CNTNAP5: variants seen among roughly 807,000 people sequenced by gnomAD.
CNTNAP5 encodes the protein contactin-associated protein-like 5.
Under a neutral mutation model 150.2 loss-of-function variants are expected in CNTNAP5, and 72 were observed. The observed-to-expected ratio is 0.48, with a 90% CI of 0.40 to 0.58. The LOEUF (loss-of-function observed/expected upper bound fraction) is 0.58. Among genes scored for constraint, CNTNAP5 ranks in the 20% least tolerant of loss-of-function variants. CNTNAP5 has a pLI of 0.00. For missense variants in CNTNAP5, 1,636 were observed against 1,626.2 expected (o/e 1.01, Z -0.10); for synonymous variants, 672 against 619.8 (o/e 1.08, Z -1.25).
intron 7 of CNTNAP5, 77 bp downstream of exon 7, chr2:124,474,959 G>C (rs1295952598): frequency 7.9e-7 from 1 of 1,269,146 alleles, no homozygotes; most frequent in African/African-American, 1.5e-5. Flanking sequence ...GCCCATTCCT[G>C]AACCCATTCG....
chr2:124,116,156 C>T (rs1683423600), intron 1 of CNTNAP5, among the ~76,000 whole-genome samples: 1 of 152,132 alleles, frequency 6.6e-6, no homozygotes, highest in Non-Finnish European at 1.5e-5. Flanking sequence ...AGAGGAAAAA[C>T]ATAGCAGCAC....
intron 3 of CNTNAP5, among the ~76,000 whole-genome samples, chr2:124,372,463 C>T (rs944131647): frequency 3.9e-5 from 6 of 152,162 alleles, no homozygotes; most frequent in African/African-American, 1.4e-4. Flanking sequence ...TCTAGAGAAA[C>T]CTGACTAATA....
chr2:124,903,914 C>G (rs982456019), intron 22 of CNTNAP5, among the ~76,000 whole-genome samples: 3 of 151,826 alleles, frequency 2.0e-5, no homozygotes, highest in African/African-American at 7.3e-5. Context: ...ATTAGCTGGC[C>G]GTGGTGGTGG....
rs1325279601 is a variant in CNTNAP5, at chr2:124,860,486, TC to T, written c.3218-4818del. Among the ~76,000 whole-genome samples the T allele has an allele frequency of 1.1e-3, 116 of 107,170 alleles. 1 individual carries two copies. The highest frequency in any genetic ancestry group is 3.9e-3 in the East Asian group (15 of 3,840). 70.3% of individuals were successfully genotyped at this position (107,170 alleles called of 152,430 possible). A position where few individuals can be genotyped will look rare whatever the true frequency, so the allele number is the denominator to read the frequency against. On this transcript the variant is annotated intron_variant, in intron 19 of 23. Transcript: ENST00000682447. ...TTCCTTCCTTCCTTCCTTCCTTCCT[TC>T]CTTCCTTCCTTCCTTCTTTCCTTCC...
chr2:124,357,597 G>C (rs1690052225), intron 3 of CNTNAP5, among the ~76,000 whole-genome samples: 1 of 148,938 alleles, frequency 6.7e-6, no homozygotes, highest in Admixed American at 6.7e-5. Context: ...TCTCAGGTTT[G>C]TCAAAGATCA....
intron 11 of CNTNAP5, among the ~76,000 whole-genome samples, chr2:124,589,296 T>A (rs563321402): frequency 6.9e-4 from 105 of 152,224 alleles, no homozygotes; most frequent in Non-Finnish European, 1.3e-3. Context: ...CAATATATGC[T>A]CTCCTATGAC....
rs193229156 is a variant in CNTNAP5, at chr2:124,690,196, A to C, written c.2077+42238A>C. Among the ~76,000 whole-genome samples, 370 of 152,266 alleles carry C rather than the reference A, an allele frequency of 2.4e-3. 2 individuals are homozygous for C. The highest frequency in any genetic ancestry group is 8.3e-3 in the African/African-American group (346 of 41,588). ...ATTAAGTATCAGCACAAGGTCTATT[A>C]TAGAAATGTGAAACTATTCAGTTCT... On this transcript the variant is annotated intron_variant, in intron 13 of 23. Transcript: ENST00000682447.
chr2:124,580,494 T>C (rs1230459130), intron 11 of CNTNAP5, among the ~76,000 whole-genome samples: 1 of 152,262 alleles, frequency 6.6e-6, no homozygotes, highest in Non-Finnish European at 1.5e-5. Context: ...ACCACGTGGC[T>C]GCACTGGTGT....
chr2:124,474,907 T>G (rs1187343806), intron 7 of CNTNAP5, 25 bp downstream of exon 7: 2 of 1,580,822 alleles, frequency 1.3e-6, no homozygotes, highest in African/African-American at 2.8e-5. Context: ...CTGTTTTGTC[T>G]TGATGGTTTC....
At chr2:124,240,595 A>C (rs1040525205) in intron 2 of CNTNAP5, among the ~76,000 whole-genome samples, 1 of 152,260 alleles carries the variant, frequency 6.6e-6, no homozygotes, top group East Asian at 1.9e-4. Flanking sequence ...CACATTCCAC[A>C]ATAGATGCTG....
intron 3 of CNTNAP5, among the ~76,000 whole-genome samples, chr2:124,332,379 T>G (rs1689370569): frequency 6.6e-6 from 1 of 151,282 alleles, no homozygotes; most frequent in Non-Finnish European, 1.5e-5. Context: ...AAATTTTAAT[T>G]ATTAGCAATT....
chr2:124,579,277 G>A (rs1009743105), intron 11 of CNTNAP5, among the ~76,000 whole-genome samples: 1 of 152,146 alleles, frequency 6.6e-6, no homozygotes, highest in East Asian at 1.9e-4. Flanking sequence ...CTCTATAGTA[G>A]ATTCTATTGT....
intron 12 of CNTNAP5, among the ~76,000 whole-genome samples, chr2:124,611,929 T>A (rs1355176580): frequency 6.6e-6 from 1 of 152,196 alleles, no homozygotes; most frequent in Non-Finnish European, 1.5e-5. Context: ...ATTTTTTTTA[T>A]CTCCATCTAA....
chr2:124,510,245 C>CTA (rs1171312738), intron 8 of CNTNAP5, among the ~76,000 whole-genome samples: 3 of 69,198 alleles, frequency 4.3e-5, no homozygotes, highest in Admixed American at 1.4e-4. Context: ...ATCTATATAT[C>CTA]TATATCTATA....
chr2:124,853,972 C>T (rs1462634332), intron 19 of CNTNAP5, among the ~76,000 whole-genome samples: 1 of 152,158 alleles, frequency 6.6e-6, no homozygotes, highest in Non-Finnish European at 1.5e-5. Flanking sequence ...TCCCTGTTCC[C>T]ACAAAAGACA....
chr2:124,371,861 T>A (rs751377038), intron 3 of CNTNAP5, among the ~76,000 whole-genome samples: 4 of 152,022 alleles, frequency 2.6e-5, no homozygotes, highest in Non-Finnish European at 5.9e-5. Flanking sequence ...TAGAACTAAG[T>A]GTTCTAAATT....
At chr2:124,035,756 G>A (rs1244487231) in intron 1 of CNTNAP5, among the ~76,000 whole-genome samples, 1 of 152,042 alleles carries the variant, frequency 6.6e-6, no homozygotes, top group Admixed American at 6.6e-5. Flanking sequence ...TTAACCCATA[G>A]CAGAGGGCTG....
At chr2:124,901,585 G>C (rs1256563765) in intron 21 of CNTNAP5, among the ~76,000 whole-genome samples, 1 of 152,122 alleles carries the variant, frequency 6.6e-6, no homozygotes, top group South Asian at 2.1e-4. Flanking sequence ...AATTAATGCA[G>C]CCTTGCTGAT....
chr2:124,507,991 C>T (rs1039502469), intron 8 of CNTNAP5, among the ~76,000 whole-genome samples: 1 of 151,958 alleles, frequency 6.6e-6, no homozygotes, highest in African/African-American at 2.4e-5. Flanking sequence ...GTAAATATGC[C>T]CAGCTTGTGT....
Sources: gnomAD v4.1 joint callset for allele counts (sites outside exome capture counted in the v4.1 genomes callset) on GRCh38, gnomAD v4.1.1 for gene constraint, MANE v1.5 for transcripts, NCBI Gene and HGNC (gene_info 2026-07-23, HGNC 2026-07-21) for gene names.